Variants in ARFGEF1 observed in about 807,000 individuals in gnomAD.
The protein encoded by ARFGEF1 is brefeldin A-inhibited guanine nucleotide-exchange protein 1.
ARFGEF1 carries 42 observed loss-of-function variants against 231.0 expected under a neutral mutation model. That is an observed-to-expected ratio of 0.18 (90% CI 0.14 to 0.24). ARFGEF1 has a LOEUF of 0.24. Among genes scored for constraint, ARFGEF1 ranks in the 10% least tolerant of loss-of-function variants. The pLI is 1.00. For missense variants in ARFGEF1, 1,345 were observed against 2,192.0 expected (o/e 0.61, Z 7.72); for synonymous variants, 710 against 732.3 (o/e 0.97, Z 0.49).
In ARFGEF1 at chr8:67,203,122, T is replaced by G; in HGVS notation, c.5089A>C (p.Asn1697His). The change falls in exon 36 of 39, where the codon AAT (asparagine) becomes CAT (histidine). Residue 1697 changes from asparagine to histidine, a missense_variant. This residue lies in a region of ARFGEF1 where 161 missense variants were observed against 284.9 expected (regional missense o/e 0.57). Transcript: ENST00000262215. ...LESHRFAKAF[N>H]SNNEQRTALW... ...GCAGTCCTCTGTTCGTTGTTGGAAT[T>G]AAACGCTTTTGCAAATCTATGTGAC... The G allele has an allele frequency of 6.2e-7, 1 of 1,614,096 alleles. No homozygotes were observed.
At chr8:67,195,517 T>C (rs1236206063), downstream of ARFGEF1, 7 of 1,614,088 alleles carry the variant, frequency 4.3e-6, no homozygotes, top group South Asian at 6.6e-5. Flanking sequence ...GCAGAGCAGC[T>C]GAACCAGGAG....
intron 33 of ARFGEF1, among the ~76,000 whole-genome samples, chr8:67,212,142 G>T (rs944052316): frequency 2.6e-5 from 4 of 152,154 alleles, no homozygotes; most frequent in African/African-American, 9.7e-5. Flanking sequence ...GAGTGCAATG[G>T]CGCGATCTCG....
At chr8:67,203,611 G>A (rs975763616) in intron 35 of ARFGEF1, among the ~76,000 whole-genome samples, 3 of 152,166 alleles carry the variant, frequency 2.0e-5, no homozygotes, top group African/African-American at 7.2e-5. Flanking sequence ...ATGTCATCAT[G>A]TGTGACTGGA....
intron 36 of ARFGEF1, 45 bp downstream of exon 36, chr8:67,203,038 C>T (rs75102581): frequency 6.3e-7 from 1 of 1,575,440 alleles, no homozygotes; most frequent in South Asian, 1.2e-5. Context: ...ACCTGTCCCA[C>T]ATCCATCAAC....
intron 1 of ARFGEF1, among the ~76,000 whole-genome samples, chr8:67,313,522 T>C (rs1587293809): frequency 1.3e-5 from 2 of 152,230 alleles, no homozygotes; most frequent in African/African-American, 2.4e-5. Context: ...TGTGGCTTCC[T>C]GTGAGCCGAA....
intron 17 of ARFGEF1, among the ~76,000 whole-genome samples, chr8:67,254,354 G>C (rs958314756): frequency 1.9e-4 from 29 of 152,164 alleles, no homozygotes; most frequent in African/African-American, 6.3e-4. Context: ...TCTCTGAAGA[G>C]ACATTTATTT....
intron 5 of ARFGEF1, among the ~76,000 whole-genome samples, chr8:67,184,616 C>G (rs561299207): frequency 6.6e-6 from 1 of 151,600 alleles, no homozygotes; most frequent in African/African-American, 2.4e-5. Flanking sequence ...TCCCAGCTAT[C>G]TGGGAGGCTG....
intron 7 of ARFGEF1, among the ~76,000 whole-genome samples, chr8:67,277,872 C>T (rs1805376823): frequency 6.6e-6 from 1 of 152,112 alleles, no homozygotes; most frequent in Admixed American, 6.6e-5. Flanking sequence ...CTTTAAGTTG[C>T]TAATATGTAC....
At chr8:67,306,959 A>G (rs1252078335) in intron 1 of ARFGEF1, among the ~76,000 whole-genome samples, 1 of 152,212 alleles carries the variant, frequency 6.6e-6, no homozygotes, top group Non-Finnish European at 1.5e-5. Flanking sequence ...TTGTATTTTT[A>G]GTAGAGACGA....
chr8:67,215,425 CCT>C (rs1483598563), intron 33 of ARFGEF1, among the ~76,000 whole-genome samples: 6 of 152,218 alleles, frequency 3.9e-5, no homozygotes, highest in African/African-American at 9.6e-5. Context: ...AGTCCTGACC[CCT>C]GATACCTGCA....
chr8:67,238,996 T>G (rs1020632883), intron 20 of ARFGEF1, 103 bp from the exon 21 acceptor site: 46 of 954,102 alleles, frequency 4.8e-5, no homozygotes, highest in East Asian at 3.4e-4. Flanking sequence ...ATTTTGTTTT[T>G]TTTTTTTTTA....
chr8:67,211,596 G>T lies in ARFGEF1; in HGVS notation c.4706C>A (p.Ser1569Tyr). The change falls in exon 34 of 39, where the codon TCT (serine) becomes TAT (tyrosine). Residue 1569 changes from serine to tyrosine, a missense_variant. This residue lies in a region of ARFGEF1 where 89 missense variants were observed against 74.8 expected (regional missense o/e 1.19). Transcript: ENST00000262215. ...EKPLDTISQK[S>Y]VDIHDSIQPR... ...TTGAATAGAATCATGAATATCTACA[G>T]ACTTCTGTGATATTGTATCCTAATA... 1 of 1,507,276 alleles carries T rather than the reference G, an allele frequency of 6.6e-7. No individual in the cohort carries two copies. Among genetic ancestry groups the T allele is most frequent in the Non-Finnish European group, 8.9e-7 (1 of 1,117,956 alleles). The allele number at this position is 1,507,276 out of a possible 1,614,324, so 93.4% of individuals were successfully genotyped here. A position where few individuals can be genotyped will look rare whatever the true frequency, so the allele number is the denominator to read the frequency against.
intron 1 of ARFGEF1, among the ~76,000 whole-genome samples, chr8:67,332,890 T>A (rs1808164671): frequency 6.6e-6 from 1 of 152,154 alleles, no homozygotes; most frequent in African/African-American, 2.4e-5. Flanking sequence ...ATGCAGGTAA[T>A]AACAGAACCT....
At chr8:67,301,138 G>T in intron 3 of ARFGEF1, 86 bp downstream of exon 3, 1 of 1,271,244 alleles carries the variant, frequency 7.9e-7, no homozygotes, top group Non-Finnish European at 1.1e-6. Context: ...AAGCTTTCAT[G>T]GAAATGTCTG....
intron 5 of ARFGEF1, among the ~76,000 whole-genome samples, chr8:67,187,459 G>A (rs775152491): frequency 6.6e-6 from 1 of 152,040 alleles, no homozygotes; most frequent in African/African-American, 2.4e-5. Flanking sequence ...ACTTTGGGAG[G>A]CTACTTGAGG....
intron 1 of ARFGEF1, among the ~76,000 whole-genome samples, chr8:67,309,817 A>C (rs563397295): frequency 3.9e-4 from 60 of 152,304 alleles, no homozygotes; most frequent in African/African-American, 1.4e-3. Context: ...CTGACTGCAA[A>C]CCACTATCCT....
intron 34 of ARFGEF1, among the ~76,000 whole-genome samples, chr8:67,209,995 T>G (rs1312519165): frequency 6.8e-6 from 1 of 147,388 alleles, no homozygotes; most frequent in Non-Finnish European, 1.5e-5. Context: ...TACTAAAGAA[T>G]AAAAAAAAAA....
At chr8:67,330,351 A>C (rs1260229472) in intron 1 of ARFGEF1, among the ~76,000 whole-genome samples, 1 of 152,144 alleles carries the variant, frequency 6.6e-6, no homozygotes, top group East Asian at 1.9e-4. Context: ...ACATATTACA[A>C]ACAAAAGAAC....
chr8:67,199,541 T>A (rs1048538761), intron 38 of ARFGEF1: 2 of 170,492 alleles, frequency 1.2e-5, no homozygotes, highest in Non-Finnish European at 1.2e-5. Context: ...ACGTTTCACA[T>A]GTACAGTTCA....
Sources: gnomAD v4.1 joint callset for allele counts (sites outside exome capture counted in the v4.1 genomes callset) on GRCh38, gnomAD v4.1.1 for gene constraint, gnomAD v4.1.1 regional missense constraint, MANE v1.5 for transcripts, NCBI Gene and HGNC (gene_info 2026-07-23, HGNC 2026-07-21) for gene names.